The following GABRG3 variants were observed in gnomAD, a reference collection of about 807,000 sequenced individuals.
GABRG3 encodes gamma-aminobutyric acid receptor subunit gamma-3.
In GABRG3, 25 loss-of-function variants were observed where a neutral mutation model predicts 48.8. The observed-to-expected ratio is 0.51, with a 90% CI of 0.37 to 0.72. The LOEUF is 0.72. Ranked by LOEUF, GABRG3 falls within the 30% of genes least tolerant of loss-of-function variation. GABRG3 has a pLI of 0.00. For missense variants in GABRG3, 394 were observed against 577.9 expected (o/e 0.68, Z 3.26); for synonymous variants, 227 against 217.6 (o/e 1.04, Z -0.38).
At chr15:27,377,664 C>G (rs1186425067) in intron 5 of GABRG3, among the ~76,000 whole-genome samples, 2 of 152,190 alleles carry the variant, frequency 1.3e-5, no homozygotes, top group African/African-American at 4.8e-5. Flanking sequence ...CCCACTGGGT[C>G]CCTCCTACAA....
rs1243697521 is a variant in GABRG3 at position 27,306,432 on chromosome 15, TAATAC to T, written c.271-20376_271-20372del. On this transcript the variant is annotated intron_variant, in intron 3 of 9. Transcript: ENST00000615808. Reference sequence around the variant, plus strand: ...ATAAACATGTCTACATGTAAACATATAATACGAACATATGTCTACATATAAACATA... The same window carrying T: ...ATAAACATGTCTACATGTAAACATATGAACATATGTCTACATATAAACATA... Among the ~76,000 whole-genome samples the T allele has an allele frequency of 2.4e-4, 33 of 138,184 alleles. 1 individual carries two copies. Among genetic ancestry groups the T allele is most frequent in the African/African-American group, 8.1e-4 (31 of 38,242 alleles). The allele number at this position is 138,184 out of a possible 152,430, so 90.7% of individuals were successfully genotyped here.
At chr15:27,305,278 C>T (rs1892359198) in intron 3 of GABRG3, among the ~76,000 whole-genome samples, 1 of 151,078 alleles carries the variant, frequency 6.6e-6, no homozygotes, top group Non-Finnish European at 1.5e-5. Flanking sequence ...TAAAATAACT[C>T]CAGAATTGAA....
At chr15:27,398,666 GCACACACA>G (rs111910385) in intron 5 of GABRG3, among the ~76,000 whole-genome samples, 1 of 147,222 alleles carries the variant, frequency 6.8e-6, no homozygotes, top group Admixed American at 6.8e-5. Flanking sequence ...ACAAGCGCGC[GCACACACA>G]CACACACACA....
chr15:27,245,034 C>T (rs1027281548), intron 3 of GABRG3, among the ~76,000 whole-genome samples: 5 of 152,176 alleles, frequency 3.3e-5, no homozygotes, highest in African/African-American at 7.2e-5. Context: ...TCTCACGGGT[C>T]GTGTGGATGA....
chr15:26,995,689 A>ACT (rs1322641121), intron 2 of GABRG3, among the ~76,000 whole-genome samples: 6 of 151,926 alleles, frequency 3.9e-5, no homozygotes. Context: ...AATTTTTGCT[A>ACT]CTCTTAACAA....
At chr15:27,402,883 C>T (rs1029156105) in intron 5 of GABRG3, among the ~76,000 whole-genome samples, 7 of 152,084 alleles carry the variant, frequency 4.6e-5, no homozygotes, top group Non-Finnish European at 1.0e-4. Flanking sequence ...GCCACTTGCT[C>T]TTTTTTTTCT....
intron 3 of GABRG3, among the ~76,000 whole-genome samples, chr15:27,309,940 TAAAC>T (rs1156758642): frequency 1.3e-5 from 2 of 152,218 alleles, no homozygotes; most frequent in East Asian, 1.9e-4. Context: ...GATGGATGGA[TAAAC>T]AAACGGTGAC....
intron 5 of GABRG3, among the ~76,000 whole-genome samples, chr15:27,351,207 G>T (rs1226576318): frequency 6.8e-6 from 1 of 146,370 alleles, no homozygotes; most frequent in Non-Finnish European, 1.5e-5. Context: ...TTGTGTGTAT[G>T]GTGTTTGTGC....
intron 3 of GABRG3, among the ~76,000 whole-genome samples, chr15:27,175,204 T>C (rs1487684386): frequency 6.6e-6 from 1 of 152,108 alleles, no homozygotes; most frequent in African/African-American, 2.4e-5. Context: ...AGGTCCTACC[T>C]CCACCTGCAA....
At chr15:27,076,675 T>C (rs949236590) in intron 3 of GABRG3, among the ~76,000 whole-genome samples, 5 of 152,046 alleles carry the variant, frequency 3.3e-5, no homozygotes, top group Non-Finnish European at 5.9e-5. Flanking sequence ...CCTAATCCAA[T>C]GCTGAGTGTT....
intron 2 of GABRG3, among the ~76,000 whole-genome samples, chr15:26,992,480 C>G (rs1290770410): frequency 6.6e-6 from 1 of 152,072 alleles, no homozygotes; most frequent in Non-Finnish European, 1.5e-5. Context: ...ATGAAGTGAT[C>G]ATATGTTTTT....
intron 2 of GABRG3, among the ~76,000 whole-genome samples, chr15:26,987,208 A>G (rs1566901160): frequency 6.6e-6 from 1 of 151,558 alleles, no homozygotes; most frequent in East Asian, 2.0e-4. Flanking sequence ...CAGTGAGCCG[A>G]GATCACACCA....
intron 5 of GABRG3, among the ~76,000 whole-genome samples, chr15:27,454,708 A>G (rs1378214448): frequency 6.6e-6 from 1 of 152,208 alleles, no homozygotes; most frequent in Non-Finnish European, 1.5e-5. Context: ...CTGTATTATG[A>G]TGGGTATTCC....
intron 3 of GABRG3, among the ~76,000 whole-genome samples, chr15:27,068,590 G>GC (rs1327343052): frequency 3.3e-5 from 5 of 152,210 alleles, no homozygotes; most frequent in Non-Finnish European, 7.3e-5. Context: ...TATTTGTAGG[G>GC]CCCAGATCCA....
chr15:26,998,020 G>T (rs1895371818), intron 2 of GABRG3, among the ~76,000 whole-genome samples: 1 of 152,172 alleles, frequency 6.6e-6, no homozygotes, highest in Admixed American at 6.5e-5. Context: ...TGTATTTGTG[G>T]CTTGGGAAAT....
At chr15:27,300,888 A>G (rs1892182150) in intron 3 of GABRG3, among the ~76,000 whole-genome samples, 1 of 152,058 alleles carries the variant, frequency 6.6e-6, no homozygotes, top group Non-Finnish European at 1.5e-5. Context: ...AATTGCTTGA[A>G]CCTGGGAGAT....
chr15:27,414,184 C>T (rs928283225), intron 5 of GABRG3, among the ~76,000 whole-genome samples: 1 of 152,160 alleles, frequency 6.6e-6, no homozygotes, highest in Non-Finnish European at 1.5e-5. Context: ...ATGATGTAAA[C>T]ATTTTATTTC....
chr15:27,377,845 C>G (rs1007387333), intron 5 of GABRG3, among the ~76,000 whole-genome samples: 3 of 152,136 alleles, frequency 2.0e-5, no homozygotes, highest in African/African-American at 7.2e-5. Context: ...AATGCCTGTT[C>G]CTGGTTTTTC....
intron 3 of GABRG3, among the ~76,000 whole-genome samples, chr15:27,147,447 C>G (rs1401381633): frequency 6.6e-6 from 1 of 151,978 alleles, no homozygotes; most frequent in South Asian, 2.1e-4. Flanking sequence ...TTGAACAACA[C>G]TCTAAGACAA....
Sources: gnomAD v4.1 joint callset for allele counts (sites outside exome capture counted in the v4.1 genomes callset) on GRCh38, gnomAD v4.1.1 for gene constraint, MANE v1.5 for transcripts, NCBI Gene and HGNC (gene_info 2026-07-23, HGNC 2026-07-21) for gene names.